MICALL1: variants seen among roughly 807,000 people sequenced by gnomAD.
The protein encoded by MICALL1 is MICAL-like protein 1.
MICALL1 carries 61 observed loss-of-function variants against 83.7 expected under a neutral mutation model. That is an observed-to-expected ratio of 0.73 (90% CI 0.59 to 0.90). The LOEUF (loss-of-function observed/expected upper bound fraction) is 0.90. MICALL1 is among the 40% of genes least tolerant of loss of function. The probability of loss-of-function intolerance (pLI) is 0.00; values close to 1 mark genes in which losing one functional copy is unlikely to be tolerated. For synonymous variants in MICALL1, 481 were observed against 473.6 expected, an observed-to-expected ratio of 1.02 and a Z score of -0.20; for missense variants, 1,066 against 1,152.0, an observed-to-expected ratio of 0.93 and a Z score of 1.08.
At chr22:37,934,310 C>G (rs745914223) in intron 13 of MICALL1, among the ~76,000 whole-genome samples, 5 of 152,214 alleles carry the variant, frequency 3.3e-5, no homozygotes, top group Non-Finnish European at 7.3e-5. Context: ...CAAATACCAG[C>G]TCCACCTTCA....
In MICALL1 at chr22:37,906,678, C is replaced by A; in HGVS notation, c.146+110C>A. 2 of 1,002,940 alleles carry A rather than the reference C, an allele frequency of 2.0e-6. No individual in the cohort carries two copies. The allele number at this position is 1,002,940 out of a possible 1,614,324, so 62.1% of individuals were successfully genotyped here. ...GGCGGTGACAGGCGCCGCCCCCGGA[C>A]ACGGAGACGCCGACCCCCCCGACGG... On this transcript the variant is annotated intron_variant, in intron 1 of 15. Transcript: ENST00000215957. The surrounding 1 kb of genome is among the most constrained non-coding windows in gnomAD (Gnocchi z 4.4).
At chr22:37,915,766 C>T (rs1397143261) in intron 3 of MICALL1, among the ~76,000 whole-genome samples, 2 of 151,198 alleles carry the variant, frequency 1.3e-5, no homozygotes, top group Non-Finnish European at 2.9e-5. Context: ...ATGCCTCAGT[C>T]TCCCAAGTAG....
At chr22:37,907,443 T>G (rs1447338725) in intron 1 of MICALL1, 1 of 152,342 alleles carries the variant, frequency 6.6e-6, no homozygotes, top group Non-Finnish European at 1.5e-5. Flanking sequence ...CCCTGGAACC[T>G]CTCCTCCTTT....
Position 37,919,167 on chromosome 22 carries a change from C to T in MICALL1, c.558C>T (p.Arg186=). The T allele has an allele frequency of 6.5e-7, 1 of 1,539,270 alleles. No homozygotes were observed. The highest frequency in any genetic ancestry group is 8.8e-7 in the Non-Finnish European group (1 of 1,138,878). Residue 186 remains arginine (R), a synonymous_variant, in exon 5 of 16, where the codon CGC becomes CGT. Coordinates refer to ENST00000215957, the MANE Select transcript of MICALL1 (RefSeq NM_033386.4). ...TGGCTGACGGCAGGCTGTACCATCG[C>T]CACTGCTTCCGGTGAGTGGCCAGGG... ...RYLADGRLYH[R]HCFRCRRCSS...
chr22:37,940,315 C>T (rs574806089), intron 15 of MICALL1, among the ~76,000 whole-genome samples: 1 of 149,390 alleles, frequency 6.7e-6, no homozygotes, highest in South Asian at 2.2e-4. Flanking sequence ...CCCAGCTACT[C>T]GGGAGGCTGA....
chr22:37,926,853 G>A (rs180843008), intron 8 of MICALL1: 3 of 154,276 alleles, frequency 1.9e-5, no homozygotes, highest in African/African-American at 7.2e-5. Flanking sequence ...GGACAGCAGA[G>A]GAGCATGAGC....
Position 37,906,526 on chromosome 22 carries a change from TG to T in MICALL1, c.106del (p.Ala36ProfsTer14). 1 of 1,235,008 alleles carries T rather than the reference TG, an allele frequency of 8.1e-7. No homozygotes were observed. Among genetic ancestry groups the T allele is most frequent in the South Asian group, 2.8e-5 (1 of 35,998 alleles). 76.5% of individuals were successfully genotyped at this position (1,235,008 alleles called of 1,614,324 possible). A position where few individuals can be genotyped will look rare whatever the true frequency, so the allele number is the denominator to read the frequency against. On this transcript the variant is annotated frameshift_variant, in exon 1 of 16. Transcript: ENST00000215957. LOFTEE classifies it high-confidence loss of function. The surrounding 1 kb of genome is among the most constrained non-coding windows in gnomAD (Gnocchi z 4.4). ...CTGAGCAGCTCCTTCCGGGACGGCC[TG>T]GCCTTCTGCGCCATCCTGCACCGGC... ...RDLSSSFRDG[L>X]AFCAILHRHR... is the part of the protein sequence containing the mutation.
Position 37,919,174 on chromosome 22 carries a change from T to A in MICALL1, c.565T>A (p.Phe189Ile), listed in dbSNP as rs1295275252. Residue 189 changes from phenylalanine to isoleucine, a missense_variant, in exon 5 of 16, where the codon TTC (phenylalanine) becomes ATC (isoleucine). Physicochemically the swap from Phe to Ile is conservative, Grantham distance 21. Coordinates refer to ENST00000215957, the MANE Select transcript of MICALL1 (RefSeq NM_033386.4). The part of the protein sequence containing the change: ...ADGRLYHRHC[F>I]RCRRCSSTLL... ...CGGCAGGCTGTACCATCGCCACTGC[T>A]TCCGGTGAGTGGCCAGGGCCGCGTG... 4 of 1,533,192 alleles carry A rather than the reference T, an allele frequency of 2.6e-6. No homozygotes were observed. The highest frequency in any genetic ancestry group is 1.2e-5 in the South Asian group (1 of 82,960). The allele number at this position is 1,533,192 out of a possible 1,614,324, so 95.0% of individuals were successfully genotyped here.
intron 13 of MICALL1, among the ~76,000 whole-genome samples, chr22:37,934,049 A>G (rs1034867554): frequency 6.6e-6 from 1 of 152,196 alleles, no homozygotes; most frequent in Non-Finnish European, 1.5e-5. Flanking sequence ...ACTCTGCAGG[A>G]GGCTGGGGCG....
rs1927942152 is a variant in MICALL1 at position 37,906,416 on chromosome 22, C to T, written c.-7C>T. 1.8e-6 allele frequency: 2 copies of T among 1,122,716 alleles called. No homozygotes were observed. The highest frequency in any genetic ancestry group is 3.3e-5 in the African/African-American group (2 of 60,412). 69.5% of individuals were successfully genotyped at this position (1,122,716 alleles called of 1,614,324 possible). On this transcript the variant is annotated 5_prime_UTR_variant, in exon 1 of 16. Coordinates refer to ENST00000215957, the MANE Select transcript of MICALL1 (RefSeq NM_033386.4). The surrounding 1 kb of genome is among the most constrained non-coding windows in gnomAD (Gnocchi z 4.4). The stretch of plus-strand genomic sequence containing the variant: ...GCCAGAGCCGGAGCCGGGCGGGCCG[C>T]GGGGTCATGGCTGGGCCGCGGGGCG...
intron 13 of MICALL1, among the ~76,000 whole-genome samples, chr22:37,933,912 C>A (rs1422223422): frequency 1.3e-5 from 2 of 152,216 alleles, no homozygotes; most frequent in African/African-American, 4.8e-5. Context: ...GCACACACAG[C>A]CCCTCCAGAC....
At chr22:37,940,503 G>C (rs1265852731) in intron 15 of MICALL1, among the ~76,000 whole-genome samples, 2 of 152,182 alleles carry the variant, frequency 1.3e-5, no homozygotes, top group Non-Finnish European at 2.9e-5. Context: ...TGGAGGTGGG[G>C]AGGGGGAGGA....
At position 37,912,483 on chromosome 22, in the gene MICALL1, C is replaced by A; in HGVS notation, c.328C>A (p.Pro110Thr). The change falls in exon 3 of 16, where the codon CCT becomes ACT. Residue 110 changes from proline to threonine, a missense_variant. Coordinates refer to ENST00000215957, the MANE Select transcript of MICALL1 (RefSeq NM_033386.4). Reference sequence around the variant, plus strand: ...CCAGTATTACAACCACTTCTGCAGTCCTGGCCAAGGTGAGAGGGGGACTCA... The same window carrying A: ...CCAGTATTACAACCACTTCTGCAGTACTGGCCAAGGTGAGAGGGGGACTCA... ...VSQYYNHFCS[P>T]GQAGVSPPRK... 6.2e-7 allele frequency: 1 copy of A among 1,607,038 alleles called. No homozygotes were observed. Among genetic ancestry groups the A allele is most frequent in the Non-Finnish European group, 8.5e-7 (1 of 1,174,632 alleles).
At chr22:37,926,408 G>A (rs1203134450) in intron 8 of MICALL1, among the ~76,000 whole-genome samples, 2 of 152,168 alleles carry the variant, frequency 1.3e-5, no homozygotes, top group Admixed American at 6.5e-5. Context: ...GAAAGGAGGC[G>A]TTTGCTTGAA....
chr22:37,914,463 G>T (rs1048126352), intron 3 of MICALL1, among the ~76,000 whole-genome samples: 4 of 151,108 alleles, frequency 2.6e-5, no homozygotes, highest in Non-Finnish European at 5.9e-5. Context: ...CTGACCTCAG[G>T]TGATCCACCC....
intron 13 of MICALL1, 41 bp from the exon 14 acceptor site, chr22:37,937,039 T>C: frequency 6.6e-7 from 1 of 1,511,100 alleles, no homozygotes; most frequent in East Asian, 2.5e-5. Flanking sequence ...GGAAGAGGGC[T>C]TTCCTACCAC....
At chr22:37,917,473 C>T (rs929893628) in intron 3 of MICALL1, among the ~76,000 whole-genome samples, 10 of 152,202 alleles carry the variant, frequency 6.6e-5, no homozygotes, top group African/African-American at 1.4e-4. Context: ...CAGTAGGAGT[C>T]ACTCTCCCCA....
Position 37,924,846 on chromosome 22 carries a change from G to A in MICALL1, c.1082+129G>A. ...GGCGGGGCTCAGGAGGGGAAGGAGA[G>A]CTGGGCCCACACCCCTTCTCCTGAG... On this transcript the variant is annotated intron_variant, in intron 7 of 15. Coordinates refer to ENST00000215957, the MANE Select transcript of MICALL1 (RefSeq NM_033386.4). The surrounding 1 kb of genome is among the most constrained non-coding windows in gnomAD (Gnocchi z 5.2). 1.1e-6 allele frequency: 1 copy of A among 872,812 alleles called. No individual in the cohort carries two copies. 54.1% of individuals were successfully genotyped at this position (872,812 alleles called of 1,614,324 possible).
At chr22:37,940,605 C>A in intron 15 of MICALL1, 104 bp from the exon 16 acceptor site, 1 of 1,429,796 alleles carries the variant, frequency 7.0e-7, no homozygotes, top group Non-Finnish European at 9.6e-7. Flanking sequence ...TGGGGCTGGG[C>A]TGAGCCCTGC....
Sources: gnomAD v4.1 joint callset for allele counts (sites outside exome capture counted in the v4.1 genomes callset) on GRCh38, gnomAD v4.1.1 for gene constraint, Gnocchi (gnomAD v3.1) non-coding constraint, MANE v1.5 for transcripts, NCBI Gene and HGNC (gene_info 2026-07-23, HGNC 2026-07-21) for gene names.